The following GRIP1 variants were observed in gnomAD, a reference collection of about 807,000 sequenced individuals.
GRIP1 encodes the protein glutamate receptor interacting protein 1.
A neutral mutation model predicts 129.9 loss-of-function variants in GRIP1; 45 were observed. That is an observed-to-expected ratio of 0.35 (90% CI 0.27 to 0.44). The LOEUF (loss-of-function observed/expected upper bound fraction) is 0.44, where lower values mean the gene tolerates loss of function less well. Among genes scored for constraint, GRIP1 ranks in the 20% least tolerant of loss-of-function variants. The pLI, the probability that GRIP1 is intolerant of heterozygous loss-of-function variation, is 1.00. For synonymous variants in GRIP1, 530 were observed against 520.8 expected, an observed-to-expected ratio of 1.02 and a Z score of -0.24; for missense variants, 1,196 against 1,396.8, an observed-to-expected ratio of 0.86 and a Z score of 2.29.
chr12:66,516,620 T>C (rs2060851398), intron 6 of GRIP1, among the ~76,000 whole-genome samples: 1 of 152,190 alleles, frequency 6.6e-6, no homozygotes, highest in Admixed American at 6.6e-5. Context: ...CACAAGCTCG[T>C]AGCCTATGTT....
At chr12:66,594,243 G>T (rs1217056658) in intron 2 of GRIP1, among the ~76,000 whole-genome samples, 1 of 151,858 alleles carries the variant, frequency 6.6e-6, no homozygotes, top group Non-Finnish European at 1.5e-5. Flanking sequence ...CTTTTCATTG[G>T]TGCACTTTTC....
At chr12:66,515,041 G>A (rs2060803593) in intron 7 of GRIP1, among the ~76,000 whole-genome samples, 1 of 151,958 alleles carries the variant, frequency 6.6e-6, no homozygotes. Context: ...TTTACTATAG[G>A]TATGAGTGTA....
rs61925942 is a variant in GRIP1, at chr12:66,475,430, A to G, written c.725-10008T>C. Among the ~76,000 whole-genome samples, 1,187 of 152,322 alleles carry G rather than the reference A, an allele frequency of 7.8e-3. 9 individuals are homozygous for G. Among genetic ancestry groups the G allele is most frequent in the Non-Finnish European group, 0.011 (773 of 68,016 alleles). On this transcript the variant is annotated intron_variant, in intron 7 of 24. Coordinates refer to ENST00000359742, the MANE Select transcript of GRIP1 (RefSeq NM_001366722.1). ...CATTAGACAGATCAATGAGACAGAA[A>G]GTTAACAAGGATATCCAGGAATTGA...
At chr12:66,613,543 C>T (rs771509109) in intron 1 of GRIP1, among the ~76,000 whole-genome samples, 3 of 152,066 alleles carry the variant, frequency 2.0e-5, no homozygotes, top group Non-Finnish European at 2.9e-5. Flanking sequence ...GGTATCCTTG[C>T]TTTACATGAT....
At chr12:66,933,074 A>C (rs1364867353) in intron 1 of GRIP1, among the ~76,000 whole-genome samples, 1 of 152,232 alleles carries the variant, frequency 6.6e-6, no homozygotes, top group Non-Finnish European at 1.5e-5. Context: ...AATATCTTTC[A>C]GCCTTTAGCC....
intron 1 of GRIP1, among the ~76,000 whole-genome samples, chr12:66,994,565 A>C (rs2042440424): frequency 6.6e-6 from 1 of 152,080 alleles, no homozygotes; most frequent in Non-Finnish European, 1.5e-5. Flanking sequence ...TGCAATAAGG[A>C]ATCTGAAAAT....
chr12:66,459,113 T>C (rs1369129593), intron 9 of GRIP1, among the ~76,000 whole-genome samples: 1 of 152,234 alleles, frequency 6.6e-6, no homozygotes, highest in Admixed American at 6.5e-5. Context: ...CCTGTCTTGC[T>C]CACTAAATAT....
chr12:66,348,620 A>T lies in GRIP1; in HGVS notation c.*399T>A, dbSNP rs1009231309. 4.7e-6 allele frequency: 1 copy of T among 211,640 alleles called. No individual in the cohort carries two copies. Among genetic ancestry groups the T allele is most frequent in the Non-Finnish European group, 9.6e-6 (1 of 104,190 alleles). 13.1% of individuals were successfully genotyped at this position (211,640 alleles called of 1,614,324 possible). ...TGTTGGCCAAGTTCTTACATTAATG[A>T]CTTCATAGTAAGAAACTGATTTCAA... On this transcript the variant is annotated 3_prime_UTR_variant, in exon 25 of 25. Coordinates refer to ENST00000359742, the MANE Select transcript of GRIP1 (RefSeq NM_001366722.1).
intron 1 of GRIP1, among the ~76,000 whole-genome samples, chr12:67,041,927 G>C (rs1045057149): frequency 1.3e-5 from 2 of 152,162 alleles, no homozygotes; most frequent in Non-Finnish European, 2.9e-5. Flanking sequence ...ATTTGGGAAT[G>C]TGTCTCCCAA....
chr12:66,984,553 C>T (rs61918818), intron 1 of GRIP1, among the ~76,000 whole-genome samples: 44,730 of 152,016 alleles, frequency 0.29, 7,797 homozygotes, highest in Non-Finnish European at 0.38. Context: ...CACAACAACT[C>T]TATGAGGTAA....
At chr12:66,501,766 A>G (rs975297205) in intron 7 of GRIP1, among the ~76,000 whole-genome samples, 1 of 152,238 alleles carries the variant, frequency 6.6e-6, no homozygotes, top group African/African-American at 2.4e-5. Context: ...TTCATTTTAG[A>G]AGTCCCATAT....
At chr12:66,902,219 CCA>C (rs1186690914) in intron 1 of GRIP1, among the ~76,000 whole-genome samples, 9 of 152,176 alleles carry the variant, frequency 5.9e-5, no homozygotes, top group Non-Finnish European at 1.3e-4. Context: ...TCCCACCTCC[CCA>C]GACTTCTTTC....
At chr12:67,020,682 G>A (rs1341959013) in intron 1 of GRIP1, among the ~76,000 whole-genome samples, 2 of 151,992 alleles carry the variant, frequency 1.3e-5, no homozygotes, top group Admixed American at 1.3e-4. Context: ...TAGGATTATA[G>A]GCAAGAAAAG....
At chr12:66,726,280 A>G (rs2036251671) in intron 1 of GRIP1, among the ~76,000 whole-genome samples, 3 of 152,228 alleles carry the variant, frequency 2.0e-5, no homozygotes, top group Admixed American at 2.0e-4. Flanking sequence ...TCAAATGAAT[A>G]AAGATCAAAC....
chr12:66,829,801 A>G (rs1157003715), intron 1 of GRIP1, among the ~76,000 whole-genome samples: 1 of 152,212 alleles, frequency 6.6e-6, no homozygotes, highest in Admixed American at 6.5e-5. Context: ...TGCAGAGAGA[A>G]TAAGTCACCC....
intron 1 of GRIP1, among the ~76,000 whole-genome samples, chr12:66,978,308 G>C (rs909914724): frequency 3.3e-5 from 5 of 152,178 alleles, no homozygotes; most frequent in Admixed American, 1.3e-4. Context: ...TAACTAAAAA[G>C]CACTATTCCC....
At chr12:67,028,728 G>A (rs1236268419) in intron 1 of GRIP1, among the ~76,000 whole-genome samples, 1 of 152,110 alleles carries the variant, frequency 6.6e-6, no homozygotes, top group Non-Finnish European at 1.5e-5. Context: ...AGACAGCAAG[G>A]AGTACTCAGG....
chr12:66,767,503 A>G (rs1433172290), intron 1 of GRIP1, among the ~76,000 whole-genome samples: 1 of 152,156 alleles, frequency 6.6e-6, no homozygotes, highest in Non-Finnish European at 1.5e-5. Flanking sequence ...CATCTAACTA[A>G]ACAATAAAAG....
intron 2 of GRIP1, among the ~76,000 whole-genome samples, chr12:66,548,503 C>A (rs2062016877): frequency 6.6e-6 from 1 of 152,302 alleles, no homozygotes; most frequent in Middle Eastern, 3.4e-3. Context: ...TAAATAGAGA[C>A]CCATGCAATG....
Sources: allele counts gnomAD v4.1 joint callset (sites outside exome capture counted in the v4.1 genomes callset), GRCh38; gene constraint gnomAD v4.1.1; transcripts MANE v1.5; gene names NCBI Gene and HGNC (gene_info 2026-07-23, HGNC 2026-07-21).